The following KANSL1 variants were observed in gnomAD, a reference collection of about 807,000 sequenced individuals.
KANSL1 encodes the protein KAT8 regulatory NSL complex subunit 1, also known as MLL1/MLL complex subunit KANSL1.
A neutral mutation model predicts 103.6 loss-of-function variants in KANSL1; 22 were observed. The observed-to-expected ratio is 0.21, with a 90% CI of 0.15 to 0.30. The LOEUF (loss-of-function observed/expected upper bound fraction) is 0.30. KANSL1 is among the 10% of genes least tolerant of loss of function. The pLI is 1.00. For missense variants in KANSL1, 1,337 were observed against 1,399.8 expected (o/e 0.96, Z 0.72); for synonymous variants, 600 against 527.6 (o/e 1.14, Z -1.88).
chr17:46,176,983 A>G (rs1391685595), intron 1 of KANSL1, among the ~76,000 whole-genome samples: 1 of 152,198 alleles, frequency 6.6e-6, no homozygotes, highest in East Asian at 1.9e-4. Flanking sequence ...AAGAAATACC[A>G]TTTATTGACT....
chr17:46,088,257 G>C (rs1476403970), intron 3 of KANSL1, among the ~76,000 whole-genome samples: 1 of 152,134 alleles, frequency 6.6e-6, no homozygotes, highest in Non-Finnish European at 1.5e-5. Context: ...CAGCTAACAG[G>C]CAATTTCACA....
At chr17:46,041,013 A>G (rs2077294494) in intron 7 of KANSL1, 1 of 152,248 alleles carries the variant, frequency 6.6e-6, no homozygotes, top group Non-Finnish European at 1.5e-5. Context: ...TTTGACCAAA[A>G]TACTGATAGA....
At chr17:46,168,976 G>A (rs918509498) in intron 2 of KANSL1, among the ~76,000 whole-genome samples, 9 of 152,144 alleles carry the variant, frequency 5.9e-5, no homozygotes, top group African/African-American at 1.2e-4. Flanking sequence ...GGTTTGTAAC[G>A]CTTACCTACA....
At chr17:46,158,330 G>C (rs2045541918) in intron 2 of KANSL1, among the ~76,000 whole-genome samples, 1 of 151,124 alleles carries the variant, frequency 6.6e-6, no homozygotes, top group Non-Finnish European at 1.5e-5. Context: ...GGGGTTGGGG[G>C]AATTGGGATA....
chr17:46,133,474 G>T (rs1054324534), intron 2 of KANSL1, among the ~76,000 whole-genome samples: 1 of 152,176 alleles, frequency 6.6e-6, no homozygotes. Context: ...TATGAGGCAG[G>T]AAAAAGCACA....
upstream of KANSL1, among the ~76,000 whole-genome samples, chr17:46,195,255 T>C (rs1403466574): frequency 2.0e-5 from 3 of 152,258 alleles, no homozygotes; most frequent in Admixed American, 6.5e-5. Context: ...TACTTAAATA[T>C]TAAATTCAGA....
chr17:46,167,566 T>C (rs940267811), intron 2 of KANSL1, among the ~76,000 whole-genome samples: 3 of 152,262 alleles, frequency 2.0e-5, no homozygotes, highest in Non-Finnish European at 2.9e-5. Context: ...ATATTTCCAC[T>C]GTACCAAGAA....
chr17:46,163,327 C>G (rs1422549340), intron 2 of KANSL1, among the ~76,000 whole-genome samples: 1 of 152,210 alleles, frequency 6.6e-6, no homozygotes, highest in Non-Finnish European at 1.5e-5. Flanking sequence ...ACTCCTCCCC[C>G]ATTTATAGAA....
chr17:46,088,121 A>G (rs568686336), intron 3 of KANSL1, among the ~76,000 whole-genome samples: 3 of 152,346 alleles, frequency 2.0e-5, no homozygotes, highest in South Asian at 2.1e-4. Flanking sequence ...AAACTCCAAG[A>G]GTGAAGCAAG....
intron 4 of KANSL1, among the ~76,000 whole-genome samples, chr17:46,072,833 A>G (rs1307968179): frequency 6.6e-6 from 1 of 152,246 alleles, no homozygotes; most frequent in African/African-American, 2.4e-5. Flanking sequence ...AGTTTTGATT[A>G]GCATAATGCT....
intron 3 of KANSL1, among the ~76,000 whole-genome samples, chr17:46,086,940 G>GTATTTTTAGTAGAGTAC (rs1181171849): frequency 6.6e-6 from 1 of 152,128 alleles, no homozygotes; most frequent in Non-Finnish European, 1.5e-5. Context: ...CTAGTTTTTT[G>GTATTTTTAGTAGAGTAC]TATTTTTAGT....
intron 1 of KANSL1, among the ~76,000 whole-genome samples, chr17:46,219,328 T>C (rs1597994285): frequency 6.6e-6 from 1 of 152,146 alleles, no homozygotes; most frequent in African/African-American, 2.4e-5. Flanking sequence ...AAAACCTGTT[T>C]TTACTAAAAC....
At chr17:46,095,489 T>A (rs1037310028) in intron 2 of KANSL1, among the ~76,000 whole-genome samples, 1 of 152,096 alleles carries the variant, frequency 6.6e-6, no homozygotes, top group African/African-American at 2.4e-5. Flanking sequence ...TTTTAAAAAA[T>A]CAGATCAGTG....
intron 1 of KANSL1, among the ~76,000 whole-genome samples, chr17:46,219,260 A>G (rs2048441181): frequency 7.0e-6 from 1 of 142,320 alleles, no homozygotes; most frequent in African/African-American, 2.5e-5. Flanking sequence ...TAAAAAAAAA[A>G]AAAGGAAGAA....
intron 6 of KANSL1, among the ~76,000 whole-genome samples, chr17:46,062,091 C>CAAAAAA (rs35638067): frequency 8.6e-5 from 6 of 70,068 alleles, no homozygotes; most frequent in African/African-American, 2.1e-4. Context: ...GACTCCGACT[C>CAAAAAA]AAAAAAAAAA....
intron 2 of KANSL1, among the ~76,000 whole-genome samples, chr17:46,168,752 T>C (rs748841186): frequency 4.6e-5 from 7 of 152,382 alleles, no homozygotes; most frequent in Middle Eastern, 3.4e-3. Context: ...AAAGTATCAG[T>C]TGATTTAATT....
intron 10 of KANSL1, among the ~76,000 whole-genome samples, chr17:46,036,639 G>T (rs1018127814): frequency 6.6e-6 from 1 of 152,064 alleles, no homozygotes; most frequent in South Asian, 2.1e-4. Context: ...AATAGCTTTT[G>T]CTATCTATGG....
Position 46,082,189 on chromosome 17 carries a change from C to A in KANSL1, c.1533+252G>T, listed in dbSNP as rs77138434. 0.14 allele frequency among the ~76,000 whole-genome samples: 21,805 copies of A among 152,178 alleles called. 2,136 individuals are homozygous for A. The highest frequency in any genetic ancestry group is 0.22 in the Non-Finnish European group (14,762 of 67,996). On this transcript the variant is annotated intron_variant, in intron 4 of 14. Coordinates refer to ENST00000432791, the MANE Select transcript of KANSL1 (RefSeq NM_015443.4). ...TGATTCCCAATGATACTCCCTAAAG[C>A]CTTACTTGCTCTGGCTGTAGTGTTT...
At chr17:46,150,532 A>T (rs1409795142) in intron 2 of KANSL1, among the ~76,000 whole-genome samples, 1 of 152,268 alleles carries the variant, frequency 6.6e-6, no homozygotes, top group Non-Finnish European at 1.5e-5. Flanking sequence ...AGAGATAAAA[A>T]AACAGGTATT....
Sources: allele counts gnomAD v4.1 joint callset (sites outside exome capture counted in the v4.1 genomes callset), GRCh38; gene constraint gnomAD v4.1.1; transcripts MANE v1.5; gene names NCBI Gene and HGNC (gene_info 2026-07-23, HGNC 2026-07-21).